Variants in RAB20 observed in about 807,000 individuals in gnomAD.
RAB20 encodes the protein ras-related protein Rab-20.
Under a neutral mutation model 3.7 loss-of-function variants are expected in RAB20, and 2 were observed. The observed-to-expected ratio is 0.54, with a 90% CI of 0.22 to 1.69. RAB20 has a LOEUF of 1.69. Ranked by LOEUF, RAB20 falls within the 40% of genes most tolerant of loss-of-function variation. The pLI is 0.19. For missense variants in RAB20, 276 were observed against 311.9 expected (o/e 0.88, Z 0.87); for synonymous variants, 126 against 130.8 (o/e 0.96, Z 0.25).
At chr13:110,549,999 C>G (rs559331984) in intron 1 of RAB20, among the ~76,000 whole-genome samples, 1 of 152,344 alleles carries the variant, frequency 6.6e-6, no homozygotes, top group African/African-American at 2.4e-5. Flanking sequence ...GCTGGGATGA[C>G]AGGCCTGAGC....
chr13:110,524,818 C>G (rs1884399399), intron 1 of RAB20, among the ~76,000 whole-genome samples: 1 of 151,854 alleles, frequency 6.6e-6, no homozygotes, highest in African/African-American at 2.4e-5. Context: ...TTTTAGGACA[C>G]AGTGGACATC....
chr13:110,549,075 T>C (rs1884903011), intron 1 of RAB20, among the ~76,000 whole-genome samples: 1 of 152,190 alleles, frequency 6.6e-6, no homozygotes, highest in Non-Finnish European at 1.5e-5. Context: ...TAGCAGTAGG[T>C]AGCTGAGCTA....
rs568552761 is a variant in RAB20 at position 110,524,667 on chromosome 13, C to T, written c.173-470G>A. Reference sequence around the variant, plus strand: ...TCCCTTCACCCTCCTCCTTTACACCCCCTGGGTGCTCCCAGCTGCCCTGTG... The same window carrying T: ...TCCCTTCACCCTCCTCCTTTACACCTCCTGGGTGCTCCCAGCTGCCCTGTG... On this transcript the variant is annotated intron_variant, in intron 1 of 1. Transcript: ENST00000267328. 2.3e-4 allele frequency among the ~76,000 whole-genome samples: 35 copies of T among 152,352 alleles called. No individual in the cohort carries two copies. The South Asian group carries it at 7.0e-3, about 31-fold the overall frequency.
intron 1 of RAB20, among the ~76,000 whole-genome samples, chr13:110,560,122 C>T (rs1885105239): frequency 1.3e-5 from 2 of 152,116 alleles, no homozygotes; most frequent in African/African-American, 4.8e-5. Context: ...AGCGTGTGTT[C>T]CATCGTTACC....
chr13:110,526,352 A>G (rs565337776), intron 1 of RAB20, among the ~76,000 whole-genome samples: 34 of 152,310 alleles, frequency 2.2e-4, no homozygotes, highest in African/African-American at 4.8e-4. Context: ...CCTGGTTCTG[A>G]TTTTTTAAAA....
At position 110,528,957 on chromosome 13, in the gene RAB20, A is replaced by G. The variant is rs891097870; in HGVS notation, c.173-4760T>C. ...TACAAGCAAGCAGTTTTCATATTTG[A>G]AATTCTAAAATACTGCTTTGGAGAT... On this transcript the variant is annotated intron_variant, in intron 1 of 1. Transcript: ENST00000267328. Among the ~76,000 whole-genome samples the G allele has an allele frequency of 1.2e-4, 18 of 152,384 alleles. 1 individual carries two copies. The highest frequency in any genetic ancestry group is 4.3e-4 in the African/African-American group (18 of 41,596).
rs768829781 is a variant in RAB20, at chr13:110,561,330, A to G, written c.172+18T>C. 4 of 1,578,016 alleles carry G rather than the reference A, an allele frequency of 2.5e-6. No individual in the cohort carries two copies. Among genetic ancestry groups the G allele is most frequent in the Non-Finnish European group, 3.4e-6 (4 of 1,163,938 alleles). On this transcript the variant is annotated intron_variant, in intron 1 of 1. Coordinates refer to ENST00000267328, the MANE Select transcript of RAB20 (RefSeq NM_017817.3). ...GCGGAGCCCCAGGGCGGTGTGGCTCATGCGGCGCCGGCCTCACCTGCGGTG... is the reference window on the plus strand; with the variant it reads ...GCGGAGCCCCAGGGCGGTGTGGCTCGTGCGGCGCCGGCCTCACCTGCGGTG...
chr13:110,551,314 C>T (rs1884946717), intron 1 of RAB20, among the ~76,000 whole-genome samples: 1 of 152,218 alleles, frequency 6.6e-6, no homozygotes, highest in Non-Finnish European at 1.5e-5. Context: ...AGAAATGCTT[C>T]ACTGAAAGAT....
chr13:110,551,948 T>C (rs1308733874), intron 1 of RAB20, among the ~76,000 whole-genome samples: 3 of 142,426 alleles, frequency 2.1e-5, no homozygotes, highest in Non-Finnish European at 1.5e-5. Context: ...AAAAATTAGC[T>C]GGGTGTGGTG....
In RAB20 at chr13:110,561,591, G is replaced by A; in HGVS notation, c.-72C>T. ...GGCCGGCTCGTGCGCCCTGGGCGCA[G>A]CTGGAGGAGCGGACCCCGGACTCGC... On this transcript the variant is annotated 5_prime_UTR_variant, in exon 1 of 2. Transcript: ENST00000267328. The A allele has an allele frequency of 6.7e-7, 1 of 1,493,086 alleles. No individual in the cohort carries two copies. The allele number at this position is 1,493,086 out of a possible 1,614,324, so 92.5% of individuals were successfully genotyped here.
intron 1 of RAB20, among the ~76,000 whole-genome samples, chr13:110,556,091 C>T (rs1459150116): frequency 6.6e-6 from 1 of 152,224 alleles, no homozygotes; most frequent in Non-Finnish European, 1.5e-5. Context: ...CCTTATTACA[C>T]AGGAGGAGCC....
chr13:110,525,183 G>A (rs1006544250), intron 1 of RAB20, among the ~76,000 whole-genome samples: 13 of 152,224 alleles, frequency 8.5e-5, no homozygotes, highest in Admixed American at 3.3e-4. Flanking sequence ...CACTTTCCAT[G>A]AGGAAACTGA....
At chr13:110,553,134 A>G (rs1307924726) in intron 1 of RAB20, among the ~76,000 whole-genome samples, 2 of 152,234 alleles carry the variant, frequency 1.3e-5, no homozygotes, top group Non-Finnish European at 2.9e-5. Flanking sequence ...TGCACCCAGA[A>G]GGCACCTGTT....
At chr13:110,543,291 G>C (rs1193510461) in intron 1 of RAB20, among the ~76,000 whole-genome samples, 3 of 152,080 alleles carry the variant, frequency 2.0e-5, no homozygotes, top group Non-Finnish European at 4.4e-5. Context: ...ACCTCCCCTG[G>C]CTAATTTTTC....
chr13:110,540,016 C>T lies in RAB20; in HGVS notation c.173-15819G>A, dbSNP rs140662733. Among the ~76,000 whole-genome samples the T allele has an allele frequency of 4.1e-3, 626 of 152,336 alleles. 3 individuals are homozygous for T. The highest frequency in any genetic ancestry group is 0.017 in the Middle Eastern group (5 of 294). ...GAGTAGTTCCACCTGTGGCCCACTA[C>T]GTGGCTTCTGGAAAAATGATGAATG... On this transcript the variant is annotated intron_variant, in intron 1 of 1. Transcript: ENST00000267328.
chr13:110,560,233 T>C (rs2139593466), intron 1 of RAB20, among the ~76,000 whole-genome samples: 1 of 152,298 alleles, frequency 6.6e-6, no homozygotes, highest in Middle Eastern at 3.4e-3. Flanking sequence ...CCTCTTTACC[T>C]GGGGGACATT....
chr13:110,561,713 G>T lies in RAB20; in HGVS notation c.-194C>A. ...CGTGTGCGCGCCCGGGAAGGAGCTGGGTGCAGAGCACGGAGCCCACGTCGG... is the reference window on the plus strand; with the variant it reads ...CGTGTGCGCGCCCGGGAAGGAGCTGTGTGCAGAGCACGGAGCCCACGTCGG... On this transcript the variant is annotated 5_prime_UTR_variant, in exon 1 of 2. Transcript: ENST00000267328. 1 of 1,003,508 alleles carries T rather than the reference G, an allele frequency of 1.0e-6. No homozygotes were observed. The highest frequency in any genetic ancestry group is 1.3e-6 in the Non-Finnish European group (1 of 763,908). The allele number at this position is 1,003,508 out of a possible 1,614,324, so 62.2% of individuals were successfully genotyped here.
At chr13:110,529,158 T>C (rs912671114) in intron 1 of RAB20, among the ~76,000 whole-genome samples, 3 of 152,184 alleles carry the variant, frequency 2.0e-5, no homozygotes, top group African/African-American at 7.2e-5. Context: ...ACAATGAAAA[T>C]AAAATGGTGT....
intron 1 of RAB20, among the ~76,000 whole-genome samples, chr13:110,544,824 CTG>C (rs1884824700): frequency 6.6e-6 from 1 of 152,218 alleles, no homozygotes; most frequent in African/African-American, 2.4e-5. Context: ...TATGGTTTGG[CTG>C]TGTCTCCGTT....
Sources: gnomAD v4.1 joint callset for allele counts (sites outside exome capture counted in the v4.1 genomes callset) on GRCh38, gnomAD v4.1.1 for gene constraint, MANE v1.5 for transcripts, NCBI Gene and HGNC (gene_info 2026-07-23, HGNC 2026-07-21) for gene names.